The following VSX2 variants were observed in gnomAD, a reference collection of about 807,000 sequenced individuals.
VSX2 encodes visual system homeobox 2.
VSX2 carries 28 observed loss-of-function variants against 32.1 expected under a neutral mutation model. The ratio of observed to expected loss-of-function variants is 0.87; its 90% confidence interval spans 0.65 to 1.20. The LOEUF (loss-of-function observed/expected upper bound fraction) is 1.20, where lower values mean the gene tolerates loss of function less well. Among genes scored for constraint, VSX2 ranks in the 50% most tolerant of loss-of-function variants. VSX2 has a pLI of 0.00. For missense variants in VSX2, 506 were observed against 488.7 expected (o/e 1.04, Z -0.33); for synonymous variants, 243 against 214.1 (o/e 1.14, Z -1.18).
At chr14:74,253,559 G>A (rs917984841) in intron 3 of VSX2, among the ~76,000 whole-genome samples, 5 of 152,224 alleles carry the variant, frequency 3.3e-5, no homozygotes, top group South Asian at 4.1e-4. Flanking sequence ...TTTCCCACAC[G>A]CTGTTTAATT....
intron 3 of VSX2, 122 bp from the exon 4 acceptor site, chr14:74,259,480 T>TC: frequency 1.8e-6 from 2 of 1,101,528 alleles, no homozygotes; most frequent in Non-Finnish European, 2.7e-6. Context: ...CACCATGGAG[T>TC]AGGCGAGCTT....
intron 3 of VSX2, among the ~76,000 whole-genome samples, chr14:74,245,528 G>T (rs565218219): frequency 6.6e-6 from 1 of 152,264 alleles, no homozygotes; most frequent in South Asian, 2.1e-4. Flanking sequence ...TTCCCGGGGA[G>T]TATGTCAGAC....
Position 74,261,224 on chromosome 14 carries a change from C to T in VSX2, c.*305C>T, listed in dbSNP as rs1052694602. ...TTGCAACGCTCACTGGTTTTGGCCA[C>T]CCCTTGCTCTCTGTTCTCTTGCTTT... On this transcript the variant is annotated 3_prime_UTR_variant, in exon 5 of 5. Transcript: ENST00000261980. 4.5e-6 allele frequency: 2 copies of T among 440,420 alleles called. No individual in the cohort carries two copies. The highest frequency in any genetic ancestry group is 6.9e-5 in the Admixed American group (2 of 28,824). The allele number at this position is 440,420 out of a possible 1,614,324, so 27.3% of individuals were successfully genotyped here.
chr14:74,260,752 G>C lies in VSX2; in HGVS notation c.919G>C (p.Ala307Pro). 6.3e-7 allele frequency: 1 copy of C among 1,590,210 alleles called. No individual in the cohort carries two copies. Among genetic ancestry groups the C allele is most frequent in the South Asian group, 1.1e-5 (1 of 87,366 alleles). The part of the protein sequence containing the change: ...SQEELRENSI[A>P]VLRAKAQEHS... ...GGAGGAACTGAGGGAGAACAGCATT[G>C]CGGTGCTCCGGGCCAAAGCTCAGGA... The change falls in exon 5 of 5, where the codon GCG becomes CCG. Residue 307 changes from alanine to proline, a missense_variant. Physicochemically the swap from Ala to Pro is conservative, Grantham distance 27. Transcript: ENST00000261980.
rs57885912 is a variant in VSX2 at position 74,244,881 on chromosome 14, AGTGTGTGTGTGTGTGTGTGTGT to A, written c.456-256_456-235del. Among the ~76,000 whole-genome samples the A allele has an allele frequency of 4.9e-4, 25 of 51,310 alleles. 2 individuals carry two copies. The highest frequency in any genetic ancestry group is 1.3e-3 in the African/African-American group (21 of 15,656). 33.7% of individuals were successfully genotyped at this position (51,310 alleles called of 152,430 possible). A position where few individuals can be genotyped will look rare whatever the true frequency, so the allele number is the denominator to read the frequency against. The stretch of plus-strand genomic sequence containing the variant: ...AACTATGAGACAGAGAGAGAGAGAA[AGTGTGTGTGTGTGTGTGTGTGT>A]GTGTGTGTGTGTGTGTGTGTGTGTG... On this transcript the variant is annotated intron_variant, in intron 2 of 4. Coordinates refer to ENST00000261980, the MANE Select transcript of VSX2 (RefSeq NM_182894.3).
intron 3 of VSX2, among the ~76,000 whole-genome samples, chr14:74,247,486 GC>G (rs1249795962): frequency 3.9e-5 from 6 of 152,204 alleles, no homozygotes; most frequent in African/African-American, 1.2e-4. Flanking sequence ...CCTGGCACGT[GC>G]CCCCAGCTCA....
chr14:74,243,711 C>G (rs745563235), intron 2 of VSX2, among the ~76,000 whole-genome samples: 16 of 151,548 alleles, frequency 1.1e-4, no homozygotes, highest in Admixed American at 2.6e-4. Context: ...TCACCCCCCA[C>G]CCCCAGAGAA....
intron 2 of VSX2, 122 bp from the exon 3 acceptor site, chr14:74,245,043 T>C: frequency 8.2e-7 from 1 of 1,212,392 alleles, no homozygotes; most frequent in Non-Finnish European, 1.2e-6. Flanking sequence ...TGTGTCCTAT[T>C]GTGCTGAGCC....
intron 3 of VSX2, among the ~76,000 whole-genome samples, chr14:74,247,491 C>A (rs184192395): frequency 6.6e-6 from 1 of 152,332 alleles, no homozygotes; most frequent in African/African-American, 2.4e-5. Context: ...CACGTGCCCC[C>A]AGCTCACTCG....
chr14:74,248,694 A>G (rs1246475435), intron 3 of VSX2, among the ~76,000 whole-genome samples: 1 of 60,016 alleles, frequency 1.7e-5, no homozygotes, highest in Non-Finnish European at 3.6e-5. Context: ...CTGTCTCAAA[A>G]ACAAACGAAC....
intron 3 of VSX2, among the ~76,000 whole-genome samples, chr14:74,257,130 C>T (rs1280436468): frequency 6.6e-6 from 1 of 152,224 alleles, no homozygotes; most frequent in Non-Finnish European, 1.5e-5. Flanking sequence ...GTCGGGCACA[C>T]ATCCTGCAGC....
At chr14:74,244,889 T>TGA (rs2079174210) in intron 2 of VSX2, among the ~76,000 whole-genome samples, 2 of 47,688 alleles carry the variant, frequency 4.2e-5, no homozygotes, top group Non-Finnish European at 1.1e-4. Context: ...AAAGTGTGTG[T>TGA]GTGTGTGTGT....
chr14:74,248,716 ACAG>A (rs1240236726), intron 3 of VSX2, among the ~76,000 whole-genome samples: 2 of 151,010 alleles, frequency 1.3e-5, no homozygotes, highest in African/African-American at 2.4e-5. Context: ...AAAAAAAAAA[ACAG>A]AGAGAAATTA....
chr14:74,245,015 A>T (rs1228162306), intron 2 of VSX2, 150 bp from the exon 3 acceptor site: 1 of 758,844 alleles, frequency 1.3e-6, no homozygotes, highest in Non-Finnish European at 2.1e-6. Flanking sequence ...AGACAGAGAG[A>T]GAGAGAGAGA....
chr14:74,251,085 C>A (rs922263919), intron 3 of VSX2, among the ~76,000 whole-genome samples: 2 of 151,666 alleles, frequency 1.3e-5, no homozygotes, highest in Non-Finnish European at 2.9e-5. Flanking sequence ...GAGGCCGAGG[C>A]GGGTGGATCA....
rs1322526757 is a variant in VSX2, at chr14:74,261,057, C to T, written c.*138C>T. 1.9e-6 allele frequency: 2 copies of T among 1,040,474 alleles called. No homozygotes were observed. The highest frequency in any genetic ancestry group is 4.6e-5 in the Admixed American group (2 of 43,432). 64.5% of individuals were successfully genotyped at this position (1,040,474 alleles called of 1,614,324 possible). A position where few individuals can be genotyped will look rare whatever the true frequency, so the allele number is the denominator to read the frequency against. Reference sequence around the variant, plus strand: ...GTTCCCCACAGGTCCTCCATCACCCCTGGTGGCTGCAGGCACCGCTGGGTT... The same window carrying T: ...GTTCCCCACAGGTCCTCCATCACCCTTGGTGGCTGCAGGCACCGCTGGGTT... On this transcript the variant is annotated 3_prime_UTR_variant, in exon 5 of 5. Transcript: ENST00000261980.
At chr14:74,246,905 G>A (rs980872392) in intron 3 of VSX2, among the ~76,000 whole-genome samples, 1 of 152,082 alleles carries the variant, frequency 6.6e-6, no homozygotes, top group Non-Finnish European at 1.5e-5. Context: ...AGCTGTAACT[G>A]CATTGCTACG....
rs543311043 is a variant in VSX2 at position 74,260,800 on chromosome 14, A to G, written c.967A>G (p.Thr323Ala). 146 of 1,573,502 alleles carry G rather than the reference A, an allele frequency of 9.3e-5. 2 individuals are homozygous for G. The Middle Eastern group carries it at 1.3e-3, about 14-fold the overall frequency. ...AQEHSTKVLG[T>A]VSGPDSLARS... ...GGAGCACAGCACCAAAGTGCTGGGG[A>G]CTGTGTCTGGGCCGGACAGCCTGGC... The change falls in exon 5 of 5, where the codon ACT becomes GCT. Residue 323 changes from threonine to alanine, a missense_variant. Coordinates refer to ENST00000261980, the MANE Select transcript of VSX2 (RefSeq NM_182894.3).
rs752288097 is a variant in VSX2 at position 74,239,827 on chromosome 14, CG to C, written c.267del (p.Gln90SerfsTer51). 2.5e-6 allele frequency: 4 copies of C among 1,575,726 alleles called. No individual in the cohort carries two copies. The East Asian group carries it at 9.2e-5, about 36-fold the overall frequency. On this transcript the variant is annotated frameshift_variant, in exon 1 of 5. Coordinates refer to ENST00000261980, the MANE Select transcript of VSX2 (RefSeq NM_182894.3). LOFTEE classifies it high-confidence loss of function. ...LGPGGLPGFY[T>X]QPTFLEVLSD... ...CCCGGGGGGCTCCCTGGCTTCTACA[CG>C]CAGCCCACCTTCCTGGAAGTGCTGT...
Sources: gnomAD v4.1 joint callset for allele counts (sites outside exome capture counted in the v4.1 genomes callset) on GRCh38, gnomAD v4.1.1 for gene constraint, MANE v1.5 for transcripts, NCBI Gene and HGNC (gene_info 2026-07-23, HGNC 2026-07-21) for gene names.